The following DAPK1 variants were observed in gnomAD, a reference collection of about 807,000 sequenced individuals.
The protein encoded by DAPK1 is death associated protein kinase 1.
In DAPK1, 56 loss-of-function variants were observed where a neutral mutation model predicts 144.9. That is an observed-to-expected ratio of 0.39 (90% confidence interval 0.31 to 0.48). The LOEUF (loss-of-function observed/expected upper bound fraction) is 0.48. Ranked by LOEUF, DAPK1 falls within the 20% of genes least tolerant of loss-of-function variation. The pLI is 0.95. For missense variants in DAPK1, 1,454 were observed against 1,875.4 expected (o/e 0.78, Z 4.15); for synonymous variants, 690 against 749.0 (o/e 0.92, Z 1.29).
In DAPK1 at chr9:87,706,835, G is replaced by C; in HGVS notation, c.3764G>C (p.Arg1255Pro). The C allele has an allele frequency of 1.2e-6, 2 of 1,613,830 alleles. No homozygotes were observed. The highest frequency in any genetic ancestry group is 1.7e-6 in the Non-Finnish European group (2 of 1,179,994). ...GAGCCCGTCATGATCTACCAGCCACGGGACTTCTTCCGGGCACAGACTCTG... is the reference window on the plus strand; with the variant it reads ...GAGCCCGTCATGATCTACCAGCCACCGGACTTCTTCCGGGCACAGACTCTG... Reference protein sequence around the residue: ...HHEPVMIYQPRDFFRAQTLKE... With the variant: ...HHEPVMIYQPPDFFRAQTLKE... The change falls in exon 26 of 26, where the codon CGG (arginine) becomes CCG (proline). Residue 1255 changes from arginine to proline, a missense_variant. Physicochemically the swap from Arg to Pro is moderately radical, Grantham distance 103. This residue lies in a region of DAPK1 where 1,025 missense variants were observed against 1,237.9 expected (regional missense o/e 0.83). Transcript: ENST00000408954. This position sits in a 1 kb window ranked among gnomAD's most constrained non-coding sequence, Gnocchi z 9.0.
chr9:87,590,612 A>G (rs1828097524), intron 2 of DAPK1, among the ~76,000 whole-genome samples: 1 of 151,894 alleles, frequency 6.6e-6, no homozygotes, highest in African/African-American at 2.4e-5. Context: ...TTTTTGAGAC[A>G]GGTCTCACTC....
intron 2 of DAPK1, among the ~76,000 whole-genome samples, chr9:87,564,776 C>G (rs749551719): frequency 2.0e-4 from 30 of 152,218 alleles, no homozygotes; most frequent in Non-Finnish European, 4.1e-4. Context: ...ATGATCTAAT[C>G]ACCTCTTAAC....
chr9:87,527,202 G>A (rs575693102), intron 2 of DAPK1, among the ~76,000 whole-genome samples: 2 of 133,318 alleles, frequency 1.5e-5, no homozygotes, highest in South Asian at 5.6e-4. Context: ...CCCAAGGGTG[G>A]CATTGAAGAC....
intron 21 of DAPK1, among the ~76,000 whole-genome samples, chr9:87,696,270 GATATAGATACAT>G (rs1422333810): frequency 6.6e-6 from 1 of 152,150 alleles, no homozygotes; most frequent in Non-Finnish European, 1.5e-5. Context: ...AAGTAGTCAT[GATATAGATACAT>G]ATATACACAC....
chr9:87,506,792 A>G (rs1376297293), intron 2 of DAPK1: 1 of 152,244 alleles, frequency 6.6e-6, no homozygotes, highest in Non-Finnish European at 1.5e-5. Flanking sequence ...CTTTGGGTAC[A>G]TTCTATTATA....
chr9:87,623,201 A>G lies in DAPK1; in HGVS notation c.285-14742A>G, dbSNP rs145521334. On this transcript the variant is annotated intron_variant, in intron 3 of 25. Transcript: ENST00000408954. ...CTGGGCCTGCTGGTATTAATAAATCATGGTGCATTTTCTTTTCACCAATCC... is the reference window on the plus strand; with the variant it reads ...CTGGGCCTGCTGGTATTAATAAATCGTGGTGCATTTTCTTTTCACCAATCC... Among the ~76,000 whole-genome samples, 307 of 152,318 alleles carry G rather than the reference A, an allele frequency of 2.0e-3. 2 individuals carry two copies. Among genetic ancestry groups the G allele is most frequent in the Non-Finnish European group, 7.5e-4 (51 of 68,024 alleles).
chr9:87,576,895 G>C (rs1377000578), intron 2 of DAPK1, among the ~76,000 whole-genome samples: 3 of 152,108 alleles, frequency 2.0e-5, no homozygotes, highest in African/African-American at 7.2e-5. Flanking sequence ...CAATAGAAAT[G>C]GCAGTGCCCT....
intron 3 of DAPK1, among the ~76,000 whole-genome samples, chr9:87,631,400 G>A (rs142480554): frequency 3.9e-5 from 6 of 152,142 alleles, no homozygotes; most frequent in Non-Finnish European, 8.8e-5. Flanking sequence ...AATACCTTCT[G>A]TCGTGGCCAA....
chr9:87,627,454 C>T (rs1014779751), intron 3 of DAPK1, among the ~76,000 whole-genome samples: 1 of 152,148 alleles, frequency 6.6e-6, no homozygotes, highest in Non-Finnish European at 1.5e-5. Context: ...GAATGGCCAA[C>T]ACCTCCTCCC....
At chr9:87,659,174 A>G (rs527979928) in intron 18 of DAPK1, among the ~76,000 whole-genome samples, 2 of 152,250 alleles carry the variant, frequency 1.3e-5, no homozygotes, top group South Asian at 4.1e-4. Context: ...GAATGCACTC[A>G]TGTTACTGGG....
At chr9:87,571,476 A>ACACGC (rs771023885) in intron 2 of DAPK1, among the ~76,000 whole-genome samples, 1 of 48,548 alleles carries the variant, frequency 2.1e-5, no homozygotes, top group Admixed American at 2.4e-4. Flanking sequence ...CACACACACC[A>ACACGC]ACACACACAC....
intron 3 of DAPK1, among the ~76,000 whole-genome samples, chr9:87,625,545 G>A (rs1829462880): frequency 6.6e-6 from 1 of 152,194 alleles, no homozygotes; most frequent in Non-Finnish European, 1.5e-5. Context: ...AGTATATAAC[G>A]CTGCCCTCGA....
At chr9:87,555,684 G>A (rs967614965) in intron 2 of DAPK1, among the ~76,000 whole-genome samples, 11 of 152,204 alleles carry the variant, frequency 7.2e-5, no homozygotes, top group Non-Finnish European at 1.3e-4. Flanking sequence ...TGTATTTTTA[G>A]TAGAGACAGG....
At chr9:87,548,739 C>T (rs771035772) in intron 2 of DAPK1, among the ~76,000 whole-genome samples, 1 of 152,010 alleles carries the variant, frequency 6.6e-6, no homozygotes, top group East Asian at 1.9e-4. Context: ...TCCTGGTGAG[C>T]GTGCACTGAA....
rs756348893 is a variant in DAPK1 at position 87,703,229 on chromosome 9, G to A, written c.3060+12G>A. 2 of 1,574,826 alleles carry A rather than the reference G, an allele frequency of 1.3e-6. No homozygotes were observed. Among genetic ancestry groups the A allele is most frequent in the South Asian group, 2.2e-5 (2 of 90,076 alleles). On this transcript the variant is annotated intron_variant, in intron 25 of 25. Transcript: ENST00000408954. Reference sequence around the variant, plus strand: ...ACAGCACAGGCGAGGTGAGCCCCTGGGAGCCCAGGCAGGGGGCCGTGAGAG... The same window carrying A: ...ACAGCACAGGCGAGGTGAGCCCCTGAGAGCCCAGGCAGGGGGCCGTGAGAG...
chr9:87,567,242 C>T (rs1208023098), intron 2 of DAPK1, among the ~76,000 whole-genome samples: 1 of 152,148 alleles, frequency 6.6e-6, no homozygotes, highest in East Asian at 1.9e-4. Flanking sequence ...ATTATTGTCT[C>T]GAATATGTAC....
At chr9:87,595,466 A>G (rs1828280554) in intron 2 of DAPK1, among the ~76,000 whole-genome samples, 1 of 152,168 alleles carries the variant, frequency 6.6e-6, no homozygotes, top group Admixed American at 6.5e-5. Flanking sequence ...GAATGAAGGC[A>G]CCCACTGCTA....
At chr9:87,593,169 G>A (rs564443546) in intron 2 of DAPK1, among the ~76,000 whole-genome samples, 1 of 152,134 alleles carries the variant, frequency 6.6e-6, no homozygotes, top group African/African-American at 2.4e-5. Flanking sequence ...ACCTGTGAAT[G>A]GTGTCTCCCA....
chr9:87,664,549 G>A (rs542608944), intron 18 of DAPK1, among the ~76,000 whole-genome samples: 26 of 151,756 alleles, frequency 1.7e-4, no homozygotes, highest in African/African-American at 4.6e-4. Flanking sequence ...CAGCCTCTCC[G>A]GTGTGTGTGA....
Sources: gnomAD v4.1 joint callset for allele counts (sites outside exome capture counted in the v4.1 genomes callset) on GRCh38, gnomAD v4.1.1 for gene constraint, gnomAD v4.1.1 regional missense constraint, Gnocchi (gnomAD v3.1) non-coding constraint, MANE v1.5 for transcripts, NCBI Gene and HGNC (gene_info 2026-07-23, HGNC 2026-07-21) for gene names.